Variants in ABCC4 observed in about 807,000 individuals in gnomAD.
ABCC4 encodes the protein ATP binding cassette subfamily C member 4 (PEL blood group), also known as ATP-binding cassette sub-family C member 4.
Under a neutral mutation model 168.5 loss-of-function variants are expected in ABCC4, and 102 were observed. The ratio of observed to expected loss-of-function variants is 0.61; its 90% confidence interval spans 0.52 to 0.71. ABCC4 has a LOEUF of 0.71. ABCC4 is among the 30% of genes least tolerant of loss of function. ABCC4 has a pLI of 0.00. For missense variants in ABCC4, 1,402 were observed against 1,605.8 expected (o/e 0.87, Z 2.17); for synonymous variants, 617 against 590.7 (o/e 1.04, Z -0.65).
At chr13:95,188,951 A>G (rs1298432380) in intron 9 of ABCC4, among the ~76,000 whole-genome samples, 2 of 152,210 alleles carry the variant, frequency 1.3e-5, no homozygotes, top group South Asian at 4.2e-4. Context: ...ATAGGTATAC[A>G]TGTGCCATGG....
At chr13:95,199,976 T>C (rs2038577712) in intron 8 of ABCC4, among the ~76,000 whole-genome samples, 1 of 152,156 alleles carries the variant, frequency 6.6e-6, no homozygotes, top group Non-Finnish European at 1.5e-5. Flanking sequence ...ACCTCCACAA[T>C]GGCATGGGCA....
At chr13:95,289,989 A>G (rs1209336271) in intron 1 of ABCC4, among the ~76,000 whole-genome samples, 3 of 151,998 alleles carry the variant, frequency 2.0e-5, no homozygotes, top group Non-Finnish European at 4.4e-5. Context: ...CCAGCTACTC[A>G]GGAGGCTAAG....
At chr13:95,167,950 T>A (rs1332325910) in intron 14 of ABCC4, among the ~76,000 whole-genome samples, 1 of 152,128 alleles carries the variant, frequency 6.6e-6, no homozygotes, top group African/African-American at 2.4e-5. Context: ...CACTGCAACC[T>A]TCGCCTCCCA....
intron 19 of ABCC4, among the ~76,000 whole-genome samples, chr13:95,159,093 T>TTATATGTATATA (rs1257474310): frequency 1.6e-4 from 10 of 61,014 alleles, no homozygotes; most frequent in Admixed American, 4.9e-4. Context: ...TAAATAAATT[T>TTATATGTATATA]TATATATATA....
chr13:95,282,768 T>C (rs999763047), intron 1 of ABCC4, among the ~76,000 whole-genome samples: 6 of 151,722 alleles, frequency 4.0e-5, no homozygotes, highest in African/African-American at 1.5e-4. Flanking sequence ...CTCCTGACCT[T>C]GTGATCTGCC....
rs148807118 is a variant in ABCC4 at position 95,115,946 on chromosome 13, C to T, written c.2511G>A (p.Pro837=). ...CCTGGATGAAATCTAAAAACGTCAGCGGCAGCAAATCATCCAAGTGTCCAA... is the reference window on the plus strand; with the variant it reads ...CCTGGATGAAATCTAAAAACGTCAGTGGCAGCAAATCATCCAAGTGTCCAA... The part of the protein sequence containing the change: ...KDIGHLDDLL[P]LTFLDFIQTL... The change falls in exon 20 of 31, where the codon CCG becomes CCA. Residue 837 remains proline (P), a synonymous_variant. Transcript: ENST00000645237. The T allele has an allele frequency of 5.0e-4, 805 of 1,612,762 alleles. 1 individual carries two copies. The highest frequency in any genetic ancestry group is 6.5e-4 in the Non-Finnish European group (768 of 1,179,496).
chr13:95,156,879 G>A (rs552943474), intron 19 of ABCC4, among the ~76,000 whole-genome samples: 1 of 152,042 alleles, frequency 6.6e-6, no homozygotes, highest in Non-Finnish European at 1.5e-5. Flanking sequence ...GATCACCTGA[G>A]GTCAAGAGTT....
chr13:95,157,868 G>C (rs377144461), intron 19 of ABCC4, among the ~76,000 whole-genome samples: 1 of 151,904 alleles, frequency 6.6e-6, no homozygotes, highest in Non-Finnish European at 1.5e-5. Context: ...TCAGGAGATC[G>C]AGACCATCCT....
intron 13 of ABCC4, among the ~76,000 whole-genome samples, chr13:95,171,382 C>T (rs986364149): frequency 9.5e-6 from 1 of 104,740 alleles, no homozygotes; most frequent in African/African-American, 4.2e-5. Flanking sequence ...TAAACGTAGA[C>T]TCCTGGGAGC....
At chr13:95,294,879 C>T (rs1021520066) in intron 1 of ABCC4, among the ~76,000 whole-genome samples, 1 of 151,194 alleles carries the variant, frequency 6.6e-6, no homozygotes, top group Admixed American at 6.6e-5. Context: ...GCTTGAACTC[C>T]GGAGGCAGAG....
At chr13:95,192,481 C>G (rs7319330) in intron 9 of ABCC4, among the ~76,000 whole-genome samples, 1 of 151,968 alleles carries the variant, frequency 6.6e-6, no homozygotes. Flanking sequence ...TTTACAATAT[C>G]GCAGGGTTTG....
intron 1 of ABCC4, among the ~76,000 whole-genome samples, chr13:95,282,981 C>A (rs1336201816): frequency 2.6e-5 from 4 of 151,722 alleles, no homozygotes; most frequent in Non-Finnish European, 5.9e-5. Flanking sequence ...ACTTTGGGAT[C>A]CCAAGGCAGG....
chr13:95,221,842 C>T (rs2039318597), intron 4 of ABCC4, among the ~76,000 whole-genome samples: 1 of 151,950 alleles, frequency 6.6e-6, no homozygotes, highest in South Asian at 2.1e-4. Flanking sequence ...AATATAAGTC[C>T]TGGGGAAAGG....
chr13:95,042,327 T>G (rs1221265251), intron 29 of ABCC4, among the ~76,000 whole-genome samples: 1 of 152,198 alleles, frequency 6.6e-6, no homozygotes, highest in Non-Finnish European at 1.5e-5. Context: ...TTACTCCAAA[T>G]CTATCCATTG....
At chr13:95,024,887 G>T (rs2031311025) in intron 30 of ABCC4, among the ~76,000 whole-genome samples, 1 of 152,016 alleles carries the variant, frequency 6.6e-6, no homozygotes, top group Non-Finnish European at 1.5e-5. Flanking sequence ...AATCAGGAGA[G>T]CCTGAATGGT....
chr13:95,244,651 AAGAAAGAAAGAAAGAAAG>A (rs1594369618), intron 3 of ABCC4, among the ~76,000 whole-genome samples: 1 of 90,134 alleles, frequency 1.1e-5, no homozygotes, highest in Non-Finnish European at 2.3e-5. Context: ...GAAAGAAAGA[AAGAAAGAAAGAAAGAAAG>A]AAATCATAGC....
intron 8 of ABCC4, among the ~76,000 whole-genome samples, chr13:95,203,770 C>T (rs1196431872): frequency 6.6e-6 from 1 of 151,974 alleles, no homozygotes; most frequent in Non-Finnish European, 1.5e-5. Context: ...GCAGAGACTC[C>T]GATCCAGTCC....
intron 19 of ABCC4, among the ~76,000 whole-genome samples, chr13:95,120,083 A>T (rs1319991275): frequency 6.6e-6 from 1 of 151,582 alleles, no homozygotes; most frequent in Non-Finnish European, 1.5e-5. Flanking sequence ...TTCACCCATG[A>T]TGTAGCATGT....
intron 15 of ABCC4, among the ~76,000 whole-genome samples, chr13:95,165,934 A>G (rs2037256042): frequency 6.6e-6 from 1 of 152,096 alleles, no homozygotes; most frequent in African/African-American, 2.4e-5. Flanking sequence ...CACACCCGCT[A>G]CTCACCTCCT....
Sources: allele counts gnomAD v4.1 joint callset (sites outside exome capture counted in the v4.1 genomes callset), GRCh38; gene constraint gnomAD v4.1.1; transcripts MANE v1.5; gene names NCBI Gene and HGNC (gene_info 2026-07-23, HGNC 2026-07-21).